HMGCS1: variants seen among roughly 807,000 people sequenced by gnomAD.
HMGCS1 encodes 3-hydroxy-3-methylglutaryl-CoA synthase 1, also known as hydroxymethylglutaryl-CoA synthase, cytoplasmic.
HMGCS1 carries 9 observed loss-of-function variants against 52.3 expected under a neutral mutation model. The observed-to-expected ratio is 0.17, with a 90% CI of 0.10 to 0.30. The LOEUF is 0.30. Among genes scored for constraint, HMGCS1 ranks in the 10% least tolerant of loss-of-function variants. The probability of loss-of-function intolerance (pLI) is 1.00; values close to 1 mark genes in which losing one functional copy is unlikely to be tolerated. For missense variants in HMGCS1, 320 were observed against 620.9 expected, an observed-to-expected ratio of 0.52 and a Z score of 5.15; for synonymous variants, 176 against 214.4, an observed-to-expected ratio of 0.82 and a Z score of 1.57.
At chr5:43,309,239 T>TC (rs558600622) in intron 1 of HMGCS1, among the ~76,000 whole-genome samples, 1 of 119,740 alleles carries the variant, frequency 8.4e-6, no homozygotes, top group Admixed American at 7.7e-5. Flanking sequence ...TTCCCTCAAA[T>TC]TTTTTTTTTT....
chr5:43,294,164 T>C lies in HMGCS1; in HGVS notation c.1077-2A>G. ...CCTGCTAATTGCTGAGGTGAGTACC[T>C]ATGTAGGGTGTAACAATAGTTCAGA... On this transcript the variant is annotated splice_acceptor_variant, in intron 7 of 10. Transcript: ENST00000325110. LOFTEE classifies it high-confidence loss of function. The C allele has an allele frequency of 1.9e-6, 3 of 1,579,066 alleles. No homozygotes were observed. Among genetic ancestry groups the C allele is most frequent in the Non-Finnish European group, 2.6e-6 (3 of 1,148,052 alleles).
chr5:43,294,254 A>G lies in HMGCS1; in HGVS notation c.1077-92T>C, dbSNP rs561485324. 17 of 728,682 alleles carry G rather than the reference A, an allele frequency of 2.3e-5. No individual in the cohort carries two copies. In the Admixed American group the frequency reaches 3.1e-4, roughly 13 times the overall value. The allele number at this position is 728,682 out of a possible 1,614,324, so 45.1% of individuals were successfully genotyped here. A position where few individuals can be genotyped will look rare whatever the true frequency, so the allele number is the denominator to read the frequency against. On this transcript the variant is annotated intron_variant, in intron 7 of 10. Transcript: ENST00000325110. ...AAAAGTAGCAATAAAAATTTAGGCT[A>G]TAAGTAAAAGTAGAATCTAACTTAA...
chr5:43,304,036 C>T lies in HMGCS1; in HGVS notation c.-11+3730G>A, dbSNP rs1476870419. 6.6e-5 allele frequency among the ~76,000 whole-genome samples: 10 copies of T among 152,320 alleles called. No homozygotes were observed. The South Asian group carries it at 1.4e-3, about 22-fold the overall frequency. ...TCAATTTTTTGATAAAGTTGGTGCC[C>T]ACTTTGCTGAATTTGAAATGAAAAT... On this transcript the variant is annotated intron_variant, in intron 2 of 10. Coordinates refer to ENST00000325110, the MANE Select transcript of HMGCS1 (RefSeq NM_001098272.3).
In HMGCS1 at chr5:43,300,201, T is replaced by C. The variant is rs1754244945; in HGVS notation, c.-10-1226A>G. ...AGAACCCAGATGGCATAAGAACCAATGAAATGTAATTGTGAGGCTTTGAAG... is the reference window on the plus strand; with the variant it reads ...AGAACCCAGATGGCATAAGAACCAACGAAATGTAATTGTGAGGCTTTGAAG... On this transcript the variant is annotated intron_variant, in intron 2 of 10. Transcript: ENST00000325110. 2.6e-5 allele frequency among the ~76,000 whole-genome samples: 4 copies of C among 152,220 alleles called. No individual in the cohort carries two copies. In the South Asian group the frequency reaches 8.3e-4, roughly 32 times the overall value.
rs748758947 is a variant in HMGCS1, at chr5:43,294,059, G to T, written c.1180C>A (p.Pro394Thr). The change falls in exon 8 of 11, where the codon CCG (proline) becomes ACG (threonine). Residue 394 changes from proline (P) to threonine (T), a missense_variant. By Grantham distance (38) the Pro-to-Thr change is conservative. Transcript: ENST00000325110. ...TGTTGAAAGATTCAGCACTTACCCG[G>T]TGTAGCATCTTGTGTGACTTTAAGA... ...YSLKVTQDATPGSALDKITAS... is the reference protein window; with the variant it reads ...YSLKVTQDATTGSALDKITAS... 34 of 1,582,068 alleles carry T rather than the reference G, an allele frequency of 2.1e-5. No individual in the cohort carries two copies. The highest frequency in any genetic ancestry group is 3.0e-5 in the Non-Finnish European group (34 of 1,150,882).
chr5:43,303,026 CTA>C (rs901458244), intron 2 of HMGCS1, among the ~76,000 whole-genome samples: 1 of 152,146 alleles, frequency 6.6e-6, no homozygotes, highest in Non-Finnish European at 1.5e-5. Flanking sequence ...TGACAAAAAT[CTA>C]TGTCTAACTC....
At chr5:43,294,473 G>A in intron 7 of HMGCS1, 1 of 494,522 alleles carries the variant, frequency 2.0e-6, no homozygotes, top group Non-Finnish European at 3.5e-6. Context: ...CATGAAAACA[G>A]AAGCCAGGAA....
intron 4 of HMGCS1, among the ~76,000 whole-genome samples, chr5:43,297,487 C>T (rs144558041): frequency 2.1e-3 from 316 of 152,320 alleles, no homozygotes; most frequent in African/African-American, 7.2e-3. Context: ...TTGAACCCTA[C>T]ATTAACCCAC....
At chr5:43,306,444 G>A (rs1414842981) in intron 2 of HMGCS1, among the ~76,000 whole-genome samples, 1 of 152,150 alleles carries the variant, frequency 6.6e-6, no homozygotes, top group Non-Finnish European at 1.5e-5. Flanking sequence ...CTCTGTCATA[G>A]GCCAACAGTT....
At chr5:43,308,120 T>A (rs1452344755) in intron 1 of HMGCS1, among the ~76,000 whole-genome samples, 1 of 152,168 alleles carries the variant, frequency 6.6e-6, no homozygotes, top group African/African-American at 2.4e-5. Flanking sequence ...AAGAAGCCCA[T>A]GTCACCAATT....
At position 43,288,601 on chromosome 5, in the gene HMGCS1, G is replaced by C. The variant is rs745842301; in HGVS notation, c.*2530C>G. The stretch of plus-strand genomic sequence containing the variant: ...ATAAAAACTTAGGACAAAAGGTTAA[G>C]TGTACAAATAGAGGAAACACACATT... On this transcript the variant is annotated 3_prime_UTR_variant, in exon 11 of 11. Transcript: ENST00000325110. The C allele has an allele frequency of 2.6e-5, 4 of 152,094 alleles. No individual in the cohort carries two copies. The highest frequency in any genetic ancestry group is 5.9e-5 in the Non-Finnish European group (4 of 68,024). The allele number at this position is 152,094 out of a possible 1,614,324, so 9.4% of individuals were successfully genotyped here. A position where few individuals can be genotyped will look rare whatever the true frequency, so the allele number is the denominator to read the frequency against.
chr5:43,299,260 A>C (rs942008268), intron 2 of HMGCS1, among the ~76,000 whole-genome samples: 3 of 152,218 alleles, frequency 2.0e-5, no homozygotes, highest in African/African-American at 7.2e-5. Flanking sequence ...CAACACTCAA[A>C]TAAGATTTTC....
chr5:43,303,591 C>T (rs917047705), intron 2 of HMGCS1, among the ~76,000 whole-genome samples: 1 of 152,224 alleles, frequency 6.6e-6, no homozygotes, highest in Non-Finnish European at 1.5e-5. Flanking sequence ...AGTCCAAGCT[C>T]CTTAAGGTCT....
At chr5:43,308,983 A>T (rs1460765707) in intron 1 of HMGCS1, among the ~76,000 whole-genome samples, 1 of 152,188 alleles carries the variant, frequency 6.6e-6, no homozygotes, top group African/African-American at 2.4e-5. Flanking sequence ...AACTGTAATT[A>T]TACATACTTT....
chr5:43,305,812 T>A (rs902347984), intron 2 of HMGCS1, among the ~76,000 whole-genome samples: 7 of 151,162 alleles, frequency 4.6e-5, no homozygotes, highest in Middle Eastern at 3.2e-3. Context: ...TTAAAAAATT[T>A]AAAAAAAGAG....
chr5:43,300,831 A>C (rs1754280070), intron 2 of HMGCS1, among the ~76,000 whole-genome samples: 1 of 151,234 alleles, frequency 6.6e-6, no homozygotes, highest in Non-Finnish European at 1.5e-5. Context: ...GAAAAGACTT[A>C]AGGGATACCA....
At chr5:43,292,400 A>C (rs1753819532) in intron 10 of HMGCS1, 74 bp downstream of exon 10, 1 of 1,073,932 alleles carries the variant, frequency 9.3e-7, no homozygotes, top group Non-Finnish European at 1.4e-6. Flanking sequence ...CTTTACTGAC[A>C]TTTATTTATG....
intron 1 of HMGCS1, among the ~76,000 whole-genome samples, chr5:43,311,322 CAAAAAAAAAA>C (rs34754612): frequency 1.0e-5 from 1 of 98,342 alleles, no homozygotes; most frequent in Admixed American, 1.1e-4. Context: ...TCTGTCTCCC[CAAAAAAAAAA>C]AAAAAAAAAA....
rs1753657923 is a variant in HMGCS1, at chr5:43,289,830, C to T, written c.*1301G>A. ...ATAACTGAAACTTCACAGAATTTAA[C>T]AGCAAATAAAGTTTAAAAAATTTAG... On this transcript the variant is annotated 3_prime_UTR_variant, in exon 11 of 11. Transcript: ENST00000325110. 1 of 152,450 alleles carries T rather than the reference C, an allele frequency of 6.6e-6. No homozygotes were observed. The highest frequency in any genetic ancestry group is 2.1e-4 in the South Asian group (1 of 4,826). The allele number at this position is 152,450 out of a possible 1,614,324, so 9.4% of individuals were successfully genotyped here. A position where few individuals can be genotyped will look rare whatever the true frequency, so the allele number is the denominator to read the frequency against.
Sources: gnomAD v4.1 joint callset for allele counts (sites outside exome capture counted in the v4.1 genomes callset) on GRCh38, gnomAD v4.1.1 for gene constraint, MANE v1.5 for transcripts, NCBI Gene and HGNC (gene_info 2026-07-23, HGNC 2026-07-21) for gene names.